Variants in TFB1M observed in about 807,000 individuals in gnomAD.
TFB1M encodes the protein dimethyladenosine transferase 1, mitochondrial.
TFB1M carries 27 observed loss-of-function variants against 31.1 expected under a neutral mutation model. The ratio of observed to expected loss-of-function variants is 0.87; its 90% CI spans 0.64 to 1.20. The LOEUF is 1.20. Ranked by LOEUF, TFB1M falls within the 50% of genes most tolerant of loss-of-function variation. TFB1M has a pLI of 0.00. For missense variants in TFB1M, 394 were observed against 418.7 expected (o/e 0.94, Z 0.51); for synonymous variants, 166 against 151.8 (o/e 1.09, Z -0.69).
chr6:155,307,909 G>GAAA (rs59955607), intron 2 of TFB1M, among the ~76,000 whole-genome samples: 7 of 128,288 alleles, frequency 5.5e-5, no homozygotes, highest in South Asian at 2.5e-4. Context: ...AAAATAAACA[G>GAAA]AAAAAAAAAA....
chr6:155,269,848 T>C lies in TFB1M; in HGVS notation c.667-9448A>G, dbSNP rs890708322. ...AAGTGCAATTTATAGTTTAACATTA[T>C]ATACTTAAAGTCAGTTTCTGAATTC... On this transcript the variant is annotated intron_variant, in intron 5 of 6. Transcript: ENST00000367166. Among the ~76,000 whole-genome samples the C allele has an allele frequency of 3.9e-5, 6 of 152,374 alleles. No individual in the cohort carries two copies. The East Asian group carries it at 9.6e-4, about 24-fold the overall frequency.
chr6:155,269,459 C>A (rs1161326869), intron 5 of TFB1M, among the ~76,000 whole-genome samples: 2 of 151,582 alleles, frequency 1.3e-5, no homozygotes, highest in African/African-American at 4.9e-5. Flanking sequence ...GAAGCTGGGG[C>A]TAATGGCATG....
At chr6:155,296,173 A>G (rs1311467075) in intron 4 of TFB1M, among the ~76,000 whole-genome samples, 1 of 152,116 alleles carries the variant, frequency 6.6e-6, no homozygotes, top group Non-Finnish European at 1.5e-5. Context: ...GACTTCACTG[A>G]GGTGAGGGAG....
chr6:155,293,895 A>G (rs1194576170), intron 4 of TFB1M, among the ~76,000 whole-genome samples: 2 of 152,154 alleles, frequency 1.3e-5, no homozygotes, highest in African/African-American at 4.8e-5. Context: ...CTCTATGCAA[A>G]CTTGACAGTA....
chr6:155,231,339 G>A, the TFB1M span, among the ~76,000 whole-genome samples: 1 of 152,208 alleles, frequency 6.6e-6, no homozygotes, highest in Non-Finnish European at 1.5e-5. Flanking sequence ...TAGTCTAGAA[G>A]ACAAATAATA....
chr6:155,257,102 A>C lies in TFB1M; in HGVS notation c.*734T>G, dbSNP rs1355388738. 6.2e-7 allele frequency: 1 copy of C among 1,613,278 alleles called. No individual in the cohort carries two copies. On this transcript the variant is annotated 3_prime_UTR_variant, in exon 7 of 7. Transcript: ENST00000367166. ...AGTGAGGAGTGTTTTTATGAAACAG[A>C]GAGCCACGGAAAATCATAGTATGAT...
At chr6:155,310,485 A>G (rs1238849413) in intron 2 of TFB1M, among the ~76,000 whole-genome samples, 1 of 152,196 alleles carries the variant, frequency 6.6e-6, no homozygotes, top group East Asian at 1.9e-4. Context: ...AAAAGATCAA[A>G]ACAAGCTTAT....
At chr6:155,276,142 G>C in intron 5 of TFB1M, 1 of 1,614,186 alleles carries the variant, frequency 6.2e-7, no homozygotes, top group Non-Finnish European at 8.5e-7. Context: ...GGTACACAAA[G>C]GAGATCATAG....
At chr6:155,243,362 C>T in the TFB1M span, among the ~76,000 whole-genome samples, 94 of 152,310 alleles carry the variant, frequency 6.2e-4, 2 homozygotes, top group Non-Finnish European at 4.0e-4. Flanking sequence ...GCCACCCAGA[C>T]GCCCTTCCTC....
chr6:155,304,624 A>T (rs916988780), intron 2 of TFB1M, among the ~76,000 whole-genome samples: 22 of 152,154 alleles, frequency 1.4e-4, no homozygotes, highest in Non-Finnish European at 2.5e-4. Flanking sequence ...AAACAGTAGA[A>T]AGTATCAAAA....
chr6:155,248,257 A>G, the TFB1M span: 6 of 1,486,658 alleles, frequency 4.0e-6, no homozygotes, highest in Non-Finnish European at 5.4e-6. Flanking sequence ...TGGGCCTGAC[A>G]GCTCACCTCT....
intron 4 of TFB1M, among the ~76,000 whole-genome samples, chr6:155,288,728 G>GA (rs1157585985): frequency 1.3e-5 from 2 of 152,214 alleles, no homozygotes; most frequent in South Asian, 2.1e-4. Flanking sequence ...TTTCAATTTA[G>GA]AAAAAAGCAG....
intron 5 of TFB1M, 128 bp downstream of exon 5, chr6:155,285,030 G>GA: frequency 8.1e-7 from 1 of 1,234,090 alleles, no homozygotes; most frequent in Non-Finnish European, 1.2e-6. Flanking sequence ...TTCTTATTCA[G>GA]AAGTAAAGTA....
chr6:155,258,184 T>A, intron 6 of TFB1M, 102 bp from the exon 7 acceptor site: 1 of 1,391,958 alleles, frequency 7.2e-7, no homozygotes, highest in Middle Eastern at 1.9e-4. Flanking sequence ...ACACAGTTGC[T>A]GGCTACTGAC....
the TFB1M span, among the ~76,000 whole-genome samples, chr6:155,248,485 G>A: frequency 1.3e-5 from 2 of 152,202 alleles, no homozygotes; most frequent in Non-Finnish European, 2.9e-5. Context: ...CTCAGGTCAC[G>A]TGGCTGTGAA....
At chr6:155,288,647 C>T (rs931709258) in intron 4 of TFB1M, among the ~76,000 whole-genome samples, 6 of 152,304 alleles carry the variant, frequency 3.9e-5, no homozygotes, top group African/African-American at 1.4e-4. Context: ...ATCCATTAAC[C>T]TGACCCATTC....
At chr6:155,234,724 A>G in the TFB1M span, among the ~76,000 whole-genome samples, 1 of 152,210 alleles carries the variant, frequency 6.6e-6, no homozygotes, top group African/African-American at 2.4e-5. Flanking sequence ...CTTTTAAAGC[A>G]GCATTCCTGG....
At chr6:155,254,640 T>C, downstream of TFB1M, 1 of 1,558,688 alleles carries the variant, frequency 6.4e-7, no homozygotes, top group East Asian at 2.3e-5. Context: ...GGATATATGC[T>C]CTTGTAACAT....
At chr6:155,263,782 CAG>C (rs1784497014) in intron 5 of TFB1M, among the ~76,000 whole-genome samples, 2 of 152,044 alleles carry the variant, frequency 1.3e-5, no homozygotes, top group South Asian at 2.1e-4. Flanking sequence ...TGCACAGACA[CAG>C]AAACAATGCT....
Sources: allele counts gnomAD v4.1 joint callset (sites outside exome capture counted in the v4.1 genomes callset), GRCh38; gene constraint gnomAD v4.1.1; transcripts MANE v1.5; gene names NCBI Gene and HGNC (gene_info 2026-07-23, HGNC 2026-07-21).